The following TRPM3 variants were observed in gnomAD, a reference collection of about 807,000 sequenced individuals.
TRPM3 encodes transient receptor potential cation channel subfamily M member 3.
TRPM3 carries 77 observed loss-of-function variants against 181.2 expected under a neutral mutation model. The ratio of observed to expected loss-of-function variants is 0.42; its 90% CI spans 0.35 to 0.51. TRPM3 has a LOEUF of 0.51. Among genes scored for constraint, TRPM3 ranks in the 20% least tolerant of loss-of-function variants. The pLI is 0.01. For missense variants in TRPM3, 1,759 were observed against 2,196.7 expected, an observed-to-expected ratio of 0.80 and a Z score of 3.98; for synonymous variants, 745 against 796.4, an observed-to-expected ratio of 0.94 and a Z score of 1.09.
intron 25 of TRPM3, among the ~76,000 whole-genome samples, chr9:70,548,964 C>T (rs1351561190): frequency 6.6e-6 from 1 of 151,980 alleles, no homozygotes; most frequent in Non-Finnish European, 1.5e-5. Context: ...ATGTATATAA[C>T]CATTCAGTAG....
In TRPM3 at chr9:70,843,096, C is replaced by T. The variant is rs746747793; in HGVS notation, c.708G>A (p.Lys236=). The T allele has an allele frequency of 6.2e-7, 1 of 1,611,326 alleles. No homozygotes were observed. Reference sequence around the variant, plus strand: ...TTCCTCGAGACTTAGAGGCATGATCCTTCAAGGCATCGCCAACATGACGAA... The same window carrying T: ...TTCCTCGAGACTTAGAGGCATGATCTTTCAAGGCATCGCCAACATGACGAA... The part of the protein sequence containing the change: ...GVIRHVGDAL[K]DHASKSRGKI... The change falls in exon 5 of 26, where the codon AAG becomes AAA. Residue 236 remains lysine, a synonymous_variant. Transcript: ENST00000677713.
rs199588868 is a variant in TRPM3 at position 70,553,349 on chromosome 9, T to C, written c.3224-39A>G. The C allele has an allele frequency of 1.0e-5, 16 of 1,600,764 alleles. No homozygotes were observed. In the African/African-American group the frequency reaches 2.1e-4, roughly 22 times the overall value. ...CACACACAAGAAATGAGAAACTGGC[T>C]ATTTGAGTTAGAAAAAAAATAAAAA... On this transcript the variant is annotated intron_variant, in intron 22 of 25. Transcript: ENST00000677713.
At position 70,535,702 on chromosome 9, in the gene TRPM3, C is replaced by G; in HGVS notation, c.*251G>C. On this transcript the variant is annotated 3_prime_UTR_variant, in exon 26 of 26. Transcript: ENST00000677713. ...CATTCATCTCTAACCCTTCCTTCTCCCTCTCTTCCCCCTCCCTGCCCAGCA... is the reference window on the plus strand; with the variant it reads ...CATTCATCTCTAACCCTTCCTTCTCGCTCTCTTCCCCCTCCCTGCCCAGCA... 7.0e-7 allele frequency: 1 copy of G among 1,434,108 alleles called. No homozygotes were observed. Among genetic ancestry groups the G allele is most frequent in the Admixed American group, 2.9e-5 (1 of 34,210 alleles). 88.8% of individuals were successfully genotyped at this position (1,434,108 alleles called of 1,614,324 possible).
At chr9:71,004,992 T>C (rs911632265) in intron 1 of TRPM3, among the ~76,000 whole-genome samples, 9 of 152,138 alleles carry the variant, frequency 5.9e-5, no homozygotes, top group Non-Finnish European at 8.8e-5. Context: ...ACATCATCCA[T>C]CAGACCAACT....
At chr9:70,947,148 C>T (rs576992748) in intron 1 of TRPM3, among the ~76,000 whole-genome samples, 40 of 152,266 alleles carry the variant, frequency 2.6e-4, no homozygotes, top group African/African-American at 9.6e-4. Context: ...AAAAAGAAAG[C>T]AGTTGTACAA....
At chr9:70,964,417 T>C (rs1342495607) in intron 1 of TRPM3, among the ~76,000 whole-genome samples, 2 of 152,088 alleles carry the variant, frequency 1.3e-5, no homozygotes, top group African/African-American at 2.4e-5. Context: ...AATGTGTTAC[T>C]GAAGTGAAGG....
intron 9 of TRPM3, among the ~76,000 whole-genome samples, chr9:70,657,292 G>GTT (rs3073511): frequency 0.93 from 137,041 of 147,556 alleles, 63,760 homozygotes; most frequent in East Asian, 0.99. Context: ...TAAATTGTAA[G>GTT]TTTTTTTTTT....
At chr9:71,112,220 T>C (rs923451129) in intron 1 of TRPM3, among the ~76,000 whole-genome samples, 2 of 152,216 alleles carry the variant, frequency 1.3e-5, no homozygotes, top group Non-Finnish European at 2.9e-5. Flanking sequence ...ACCCAGTCAA[T>C]AATATTAAAG....
intron 8 of TRPM3, among the ~76,000 whole-genome samples, chr9:70,743,631 A>T (rs1406608329): frequency 6.6e-6 from 1 of 151,828 alleles, no homozygotes; most frequent in African/African-American, 2.4e-5. Context: ...TGGAATGGAG[A>T]GACTAGGGGG....
At chr9:71,302,782 A>T (rs919347388) in intron 1 of TRPM3, among the ~76,000 whole-genome samples, 4 of 140,506 alleles carry the variant, frequency 2.8e-5, no homozygotes, top group Non-Finnish European at 4.7e-5. Flanking sequence ...TAAATATTCT[A>T]AAAAAAAAAA....
intron 6 of TRPM3, among the ~76,000 whole-genome samples, chr9:70,814,186 C>T (rs2092449782): frequency 6.6e-6 from 1 of 152,118 alleles, no homozygotes; most frequent in African/African-American, 2.4e-5. Context: ...CATGAGGTGT[C>T]TTAGAAGTTC....
chr9:70,541,077 C>T (rs2043208598), intron 25 of TRPM3, among the ~76,000 whole-genome samples: 1 of 152,074 alleles, frequency 6.6e-6, no homozygotes, highest in African/African-American at 2.4e-5. Context: ...GTAAACTGGA[C>T]ACATAAAGTG....
chr9:70,783,926 T>C, intron 7 of TRPM3, 179 bp downstream of exon 7: 3 of 1,353,736 alleles, frequency 2.2e-6, no homozygotes, highest in Non-Finnish European at 2.9e-6. Flanking sequence ...ACAGGACATT[T>C]AGAATATGTT....
intron 1 of TRPM3, among the ~76,000 whole-genome samples, chr9:71,096,679 A>G (rs761493483): frequency 2.8e-4 from 42 of 150,910 alleles, no homozygotes; most frequent in Non-Finnish European, 3.5e-4. Flanking sequence ...AGAACCTAGC[A>G]TGGCACTGGC....
chr9:71,119,386 A>T (rs1462048018), intron 1 of TRPM3, among the ~76,000 whole-genome samples: 1 of 152,136 alleles, frequency 6.6e-6, no homozygotes, highest in Admixed American at 6.5e-5. Context: ...CTGTAGCATT[A>T]ACAATGTCTC....
chr9:71,292,959 T>C (rs1457729734), intron 1 of TRPM3, among the ~76,000 whole-genome samples: 1 of 151,936 alleles, frequency 6.6e-6, no homozygotes, highest in Non-Finnish European at 1.5e-5. Context: ...ATGACGAAAT[T>C]GTGTTTATCT....
At chr9:71,056,479 G>T (rs2133261747) in intron 1 of TRPM3, among the ~76,000 whole-genome samples, 1 of 152,058 alleles carries the variant, frequency 6.6e-6, no homozygotes, top group East Asian at 1.9e-4. Flanking sequence ...TTTCCAGGAG[G>T]GGTCAATAGG....
chr9:71,088,448 T>C (rs2065653256), intron 1 of TRPM3, among the ~76,000 whole-genome samples: 1 of 152,108 alleles, frequency 6.6e-6, no homozygotes, highest in Admixed American at 6.6e-5. Flanking sequence ...CAAAATACAC[T>C]TGGGAACCAA....
At chr9:71,428,701 T>A (rs1048022369) in intron 1 of TRPM3, among the ~76,000 whole-genome samples, 1 of 152,144 alleles carries the variant, frequency 6.6e-6, no homozygotes, top group Non-Finnish European at 1.5e-5. Flanking sequence ...GTGATACTAA[T>A]CTAAAAGACT....
Sources: gnomAD v4.1 joint callset for allele counts (sites outside exome capture counted in the v4.1 genomes callset) on GRCh38, gnomAD v4.1.1 for gene constraint, MANE v1.5 for transcripts, NCBI Gene and HGNC (gene_info 2026-07-23, HGNC 2026-07-21) for gene names.